The following MYPN variants were observed in gnomAD, a reference collection of about 807,000 sequenced individuals.
MYPN encodes myopalladin.
A neutral mutation model predicts 129.4 loss-of-function variants in MYPN; 63 were observed. The ratio of observed to expected loss-of-function variants is 0.49; its 90% CI spans 0.40 to 0.60. The LOEUF (loss-of-function observed/expected upper bound fraction) is 0.60. Ranked by LOEUF, MYPN falls within the 20% of genes least tolerant of loss-of-function variation. MYPN has a pLI of 0.00. For synonymous variants in MYPN, 629 were observed against 600.9 expected, an observed-to-expected ratio of 1.05 and a Z score of -0.68; for missense variants, 1,596 against 1,635.4, an observed-to-expected ratio of 0.98 and a Z score of 0.42.
At position 68,212,011 on chromosome 10, in the gene MYPN, G is replaced by A. The variant is rs1327189438; in HGVS notation, c.*1556G>A. ...CAGCATAAAAATAAATTCATTCACT[G>A]GAGAAATCATTTGTATGTCTACTCT... is the stretch of plus-strand genomic sequence containing the variant. On this transcript the variant is annotated 3_prime_UTR_variant, in exon 20 of 20. Coordinates refer to ENST00000358913, the MANE Select transcript of MYPN (RefSeq NM_032578.4). 5 of 356,802 alleles carry A rather than the reference G, an allele frequency of 1.4e-5. No individual in the cohort carries two copies. Among genetic ancestry groups the A allele is most frequent in the Non-Finnish European group, 2.2e-5 (4 of 182,428 alleles). The allele number at this position is 356,802 out of a possible 1,614,324, so 22.1% of individuals were successfully genotyped here. A position where few individuals can be genotyped will look rare whatever the true frequency, so the allele number is the denominator to read the frequency against.
intron 1 of MYPN, among the ~76,000 whole-genome samples, chr10:68,118,749 G>C (rs1015072734): frequency 6.6e-6 from 1 of 151,994 alleles, no homozygotes; most frequent in Non-Finnish European, 1.5e-5. Flanking sequence ...AGGGAGAATT[G>C]CTTGAATCCA....
chr10:68,175,499 A>G (rs1224541376), intron 12 of MYPN, 38 bp downstream of exon 12: 10 of 1,609,994 alleles, frequency 6.2e-6, no homozygotes, highest in Non-Finnish European at 8.5e-6. Context: ...TTGAAATTTT[A>G]TTGTAAGGAA....
At chr10:68,177,660 G>C (rs1047959607) in intron 12 of MYPN, among the ~76,000 whole-genome samples, 2 of 152,188 alleles carry the variant, frequency 1.3e-5, no homozygotes, top group Non-Finnish European at 2.9e-5. Context: ...GCTTAGGAAA[G>C]TGTAAAAACA....
At chr10:68,135,826 A>G (rs2042478395) in intron 2 of MYPN, among the ~76,000 whole-genome samples, 1 of 152,212 alleles carries the variant, frequency 6.6e-6, no homozygotes. Flanking sequence ...TTTATTGTTC[A>G]GTAAGGAAGA....
Position 68,121,694 on chromosome 10 carries a change from G to A in MYPN, c.256G>A (p.Asp86Asn), listed in dbSNP as rs776901756. 6.2e-7 allele frequency: 1 copy of A among 1,614,156 alleles called. No individual in the cohort carries two copies. Among genetic ancestry groups the A allele is most frequent in the Non-Finnish European group, 8.5e-7 (1 of 1,180,026 alleles). The change falls in exon 2 of 20, where the codon GAC (aspartate) becomes AAC (asparagine). Residue 86 changes from aspartate (D) to asparagine (N), a missense_variant. Physicochemically the swap from Asp to Asn is conservative, Grantham distance 23. Coordinates refer to ENST00000358913, the MANE Select transcript of MYPN (RefSeq NM_032578.4). ...VNLARLAINY[D>N]PLEKADETQA... is the part of the protein sequence containing the mutation. ...TTTGGCAAGACTGGCCATCAATTAC[G>A]ACCCTTTGGAGAAGGCAGATGAAAC...
chr10:68,145,529 A>C lies in MYPN; in HGVS notation c.1130+3A>C, dbSNP rs770005365. On this transcript the variant is annotated splice_donor_region_variant and intron_variant, in intron 4 of 19. Coordinates refer to ENST00000358913, the MANE Select transcript of MYPN (RefSeq NM_032578.4). ...CCTAACAAGGAAGAGATGAATCGGT[A>C]ATTCTGATTTTCTGTCTTATAGCTT... The C allele has an allele frequency of 1.9e-5, 30 of 1,611,804 alleles. No homozygotes were observed. Among genetic ancestry groups the C allele is most frequent in the Non-Finnish European group, 2.0e-5 (24 of 1,178,454 alleles).
chr10:68,098,895 A>T (rs1281643966), intron 1 of MYPN, among the ~76,000 whole-genome samples: 2 of 152,192 alleles, frequency 1.3e-5, no homozygotes, highest in African/African-American at 4.8e-5. Flanking sequence ...GAGATTTCCC[A>T]TAGTAGCCAG....
Position 68,121,542 on chromosome 10 carries a change from C to T in MYPN, c.104C>T (p.Ala35Val), listed in dbSNP as rs775961606. The change falls in exon 2 of 20, where the codon GCG becomes GTG. Residue 35 changes from alanine (A) to valine (V), a missense_variant. By Grantham distance (64) the Ala-to-Val change is moderately conservative. Transcript: ENST00000358913. ...CGGGGAAACAATGAGAGGAGTCGAGCGGAGCCCTCCTCCAACCCTTGCCAT... is the reference window on the plus strand; with the variant it reads ...CGGGGAAACAATGAGAGGAGTCGAGTGGAGCCCTCCTCCAACCCTTGCCAT... ...RHRGNNERSR[A>V]EPSSNPCHFG... is the part of the protein sequence containing the mutation. 5.6e-6 allele frequency: 9 copies of T among 1,614,132 alleles called. No homozygotes were observed. The highest frequency in any genetic ancestry group is 7.6e-6 in the Non-Finnish European group (9 of 1,180,020).
chr10:68,198,894 A>G (rs1264213415), intron 16 of MYPN, among the ~76,000 whole-genome samples: 1 of 152,050 alleles, frequency 6.6e-6, no homozygotes, highest in African/African-American at 2.4e-5. Flanking sequence ...GGGAACTTAG[A>G]GGACAGGTCA....
At chr10:68,181,430 C>T (rs1476236159) in intron 12 of MYPN, among the ~76,000 whole-genome samples, 3 of 152,070 alleles carry the variant, frequency 2.0e-5, no homozygotes, top group African/African-American at 7.2e-5. Context: ...GCTGGGACTG[C>T]AGGTGCTCGC....
intron 6 of MYPN, among the ~76,000 whole-genome samples, chr10:68,152,982 T>A (rs10997953): frequency 0.22 from 14,145 of 63,768 alleles, 1,015 homozygotes; most frequent in African/African-American, 0.28. Flanking sequence ...ATTTTATTTA[T>A]TTTATTTTAT....
chr10:68,124,523 A>T (rs1000481656), intron 2 of MYPN, among the ~76,000 whole-genome samples: 1 of 151,934 alleles, frequency 6.6e-6, no homozygotes, highest in East Asian at 1.9e-4. Flanking sequence ...TGGCCCAAAG[A>T]CATATTCATA....
chr10:68,092,455 A>G (rs536515938), intron 1 of MYPN, among the ~76,000 whole-genome samples: 16 of 151,726 alleles, frequency 1.1e-4, no homozygotes, highest in Non-Finnish European at 2.2e-4. Context: ...AGATTGAGCC[A>G]TTGCACTCCA....
chr10:68,146,906 TAGA>T (rs2042675645), intron 4 of MYPN, among the ~76,000 whole-genome samples: 2 of 152,298 alleles, frequency 1.3e-5, no homozygotes, highest in South Asian at 2.1e-4. Flanking sequence ...TCTATTATTG[TAGA>T]AGAAGAAAAC....
chr10:68,179,788 C>G (rs550890734), intron 12 of MYPN, among the ~76,000 whole-genome samples: 3 of 152,136 alleles, frequency 2.0e-5, no homozygotes, highest in South Asian at 4.2e-4. Flanking sequence ...AGCCCTACCC[C>G]CAGTGGCTGG....
chr10:68,203,894 T>C (rs1223234104), intron 18 of MYPN, among the ~76,000 whole-genome samples: 1 of 152,196 alleles, frequency 6.6e-6, no homozygotes, highest in African/African-American at 2.4e-5. Context: ...TAAGTATTTA[T>C]GGTTTTCATG....
chr10:68,184,323 C>T (rs1472896735), intron 12 of MYPN, among the ~76,000 whole-genome samples: 3 of 152,238 alleles, frequency 2.0e-5, no homozygotes, highest in African/African-American at 7.2e-5. Flanking sequence ...GAACAAGGGC[C>T]ATTCGTAGAG....
intron 1 of MYPN, among the ~76,000 whole-genome samples, chr10:68,093,682 C>A (rs1417298788): frequency 3.3e-5 from 5 of 150,850 alleles, no homozygotes; most frequent in African/African-American, 4.9e-5. Flanking sequence ...GCGTGAACCC[C>A]GGAGGCGGAG....
At chr10:68,130,639 T>C (rs1318177340) in intron 2 of MYPN, among the ~76,000 whole-genome samples, 1 of 152,200 alleles carries the variant, frequency 6.6e-6, no homozygotes, top group African/African-American at 2.4e-5. Context: ...TGCTCCAAAT[T>C]AATTAATTTT....
Sources: gnomAD v4.1 joint callset for allele counts (sites outside exome capture counted in the v4.1 genomes callset) on GRCh38, gnomAD v4.1.1 for gene constraint, MANE v1.5 for transcripts, NCBI Gene and HGNC (gene_info 2026-07-23, HGNC 2026-07-21) for gene names.